Variants in NTN1 observed in about 807,000 individuals in gnomAD.
NTN1 encodes netrin 1.
Under a neutral mutation model 54.2 loss-of-function variants are expected in NTN1, and 11 were observed. The observed-to-expected ratio is 0.20, with a 90% confidence interval of 0.13 to 0.34. NTN1 has a LOEUF of 0.34. NTN1 is among the 10% of genes least tolerant of loss of function. The pLI is 1.00. For missense variants in NTN1, 740 were observed against 893.1 expected (o/e 0.83, Z 2.18); for synonymous variants, 371 against 382.0 (o/e 0.97, Z 0.33).
chr17:9,093,895 A>C (rs1392667282), intron 2 of NTN1, among the ~76,000 whole-genome samples: 1 of 152,050 alleles, frequency 6.6e-6, no homozygotes, highest in Non-Finnish European at 1.5e-5. Flanking sequence ...AATCACTTGA[A>C]CTTGGGAGGC....
intron 2 of NTN1, among the ~76,000 whole-genome samples, chr17:9,063,608 C>T (rs528049718): frequency 3.6e-4 from 55 of 151,610 alleles, no homozygotes; most frequent in Admixed American, 9.9e-4. Flanking sequence ...AGTGCAGTGG[C>T]GCAATCTCAG....
At chr17:9,162,090 A>G (rs908590490) in intron 2 of NTN1, among the ~76,000 whole-genome samples, 1 of 152,174 alleles carries the variant, frequency 6.6e-6, no homozygotes, top group African/African-American at 2.4e-5. Context: ...GCCATAGCTG[A>G]CAATGTGGGG....
At chr17:9,185,054 A>G (rs903518452) in intron 5 of NTN1, among the ~76,000 whole-genome samples, 2 of 152,262 alleles carry the variant, frequency 1.3e-5, no homozygotes, top group Non-Finnish European at 2.9e-5. Flanking sequence ...CTTATAAAAT[A>G]TCTTCCTCAG....
chr17:9,232,673 C>T (rs1051445348), intron 6 of NTN1, among the ~76,000 whole-genome samples: 1 of 152,172 alleles, frequency 6.6e-6, no homozygotes, highest in Non-Finnish European at 1.5e-5. Flanking sequence ...AGTTGCCAGG[C>T]CTGGCCACAG....
chr17:9,108,567 T>C (rs1364487376), intron 2 of NTN1, among the ~76,000 whole-genome samples: 1 of 152,196 alleles, frequency 6.6e-6, no homozygotes, highest in Non-Finnish European at 1.5e-5. Flanking sequence ...GTATTAAAAT[T>C]TGAGAACTTA....
chr17:9,107,487 G>A (rs1037455894), intron 2 of NTN1, among the ~76,000 whole-genome samples: 5 of 152,308 alleles, frequency 3.3e-5, no homozygotes, highest in African/African-American at 9.6e-5. Flanking sequence ...TTGGGGGTGC[G>A]GGAGGAACGC....
intron 5 of NTN1, among the ~76,000 whole-genome samples, chr17:9,196,434 C>T (rs563284537): frequency 1.3e-5 from 2 of 152,298 alleles, no homozygotes; most frequent in Non-Finnish European, 1.5e-5. Context: ...CTGTGGCTGT[C>T]GTGATTATGC....
chr17:9,222,953 C>A (rs1315159899), intron 6 of NTN1, among the ~76,000 whole-genome samples: 1 of 152,122 alleles, frequency 6.6e-6, no homozygotes, highest in Non-Finnish European at 1.5e-5. Context: ...CAGGGTAAGA[C>A]CCCAGTAATT....
intron 2 of NTN1, among the ~76,000 whole-genome samples, chr17:9,030,985 T>C (rs906006233): frequency 6.6e-6 from 1 of 152,154 alleles, no homozygotes. Flanking sequence ...CACGTGGTCA[T>C]ATTTTAGTTG....
chr17:9,096,777 A>G (rs576794960), intron 2 of NTN1, among the ~76,000 whole-genome samples: 71 of 152,262 alleles, frequency 4.7e-4, no homozygotes, highest in African/African-American at 8.9e-4. Flanking sequence ...AATTCTAACT[A>G]GTAGGGATGA....
chr17:9,113,403 G>T (rs2092199210), intron 2 of NTN1, among the ~76,000 whole-genome samples: 1 of 152,014 alleles, frequency 6.6e-6, no homozygotes, highest in South Asian at 2.1e-4. Flanking sequence ...GTGACTAAAG[G>T]CTCACAGGAA....
At chr17:9,231,800 G>C (rs941599106) in intron 6 of NTN1, among the ~76,000 whole-genome samples, 5 of 150,732 alleles carry the variant, frequency 3.3e-5, no homozygotes, top group African/African-American at 1.2e-4. Flanking sequence ...GCCCCGGAGG[G>C]AGCTGAAGGT....
chr17:9,164,040 G>T (rs1053634626), intron 3 of NTN1, among the ~76,000 whole-genome samples: 3 of 152,248 alleles, frequency 2.0e-5, no homozygotes, highest in Admixed American at 1.3e-4. Flanking sequence ...ACCCTTCTGT[G>T]GCCACTGCTC....
chr17:9,018,904 A>T (rs1248982935), upstream of NTN1, among the ~76,000 whole-genome samples: 1 of 152,200 alleles, frequency 6.6e-6, no homozygotes, highest in African/African-American at 2.4e-5. Flanking sequence ...ACGTTTGCTC[A>T]TTACCCCATA....
At chr17:9,083,049 C>T (rs545283430) in intron 2 of NTN1, among the ~76,000 whole-genome samples, 1 of 151,938 alleles carries the variant, frequency 6.6e-6, no homozygotes, top group Admixed American at 6.6e-5. Context: ...CTTCCCACCC[C>T]TCATTCTCCG....
intron 2 of NTN1, among the ~76,000 whole-genome samples, chr17:9,129,733 G>A (rs1216322520): frequency 1.3e-5 from 2 of 152,138 alleles, no homozygotes; most frequent in Non-Finnish European, 2.9e-5. Context: ...AGAGTTCCAC[G>A]CTCTCTCTGG....
chr17:9,011,175 C>T, the NTN1 span, among the ~76,000 whole-genome samples: 1 of 152,216 alleles, frequency 6.6e-6, no homozygotes, highest in African/African-American at 2.4e-5. Flanking sequence ...GTTGTAAATA[C>T]AGACGAAGCT....
At chr17:9,181,354 G>C (rs1461061860) in intron 4 of NTN1, among the ~76,000 whole-genome samples, 1 of 152,180 alleles carries the variant, frequency 6.6e-6, no homozygotes, top group Non-Finnish European at 1.5e-5. Context: ...CCCAGAGCCA[G>C]GCTGACCTCA....
intron 6 of NTN1, among the ~76,000 whole-genome samples, chr17:9,225,713 CGGGCGGGCCA>C (rs1555578583): frequency 6.6e-6 from 1 of 152,012 alleles, no homozygotes; most frequent in Non-Finnish European, 1.5e-5. Flanking sequence ...GCCGCCAAAC[CGGGCGGGCCA>C]GGGCGGGCCG....
Sources: gnomAD v4.1 joint callset for allele counts (sites outside exome capture counted in the v4.1 genomes callset) on GRCh38, gnomAD v4.1.1 for gene constraint, MANE v1.5 for transcripts, NCBI Gene and HGNC (gene_info 2026-07-23, HGNC 2026-07-21) for gene names.